TUSC3: variants seen among roughly 807,000 people sequenced by gnomAD.
The protein encoded by TUSC3 is tumor suppressor candidate 3, also known as dolichyl-diphosphooligosaccharide--protein glycosyltransferase subunit TUSC3.
TUSC3 carries 45 observed loss-of-function variants against 44.8 expected under a neutral mutation model. The observed-to-expected ratio is 1.00, with a 90% CI of 0.79 to 1.29. The LOEUF (loss-of-function observed/expected upper bound fraction) is 1.29, where lower values mean the gene tolerates loss of function less well. TUSC3 is among the 50% of genes most tolerant of loss of function. The pLI, the probability that TUSC3 is intolerant of heterozygous loss-of-function variation, is 0.00. For synonymous variants in TUSC3, 212 were observed against 152.9 expected (o/e 1.39, Z -2.85); for missense variants, 519 against 437.9 (o/e 1.19, Z -1.65).
At chr8:15,459,415 T>TA (rs1431753152) in intron 1 of TUSC3, among the ~76,000 whole-genome samples, 1 of 152,138 alleles carries the variant, frequency 6.6e-6, no homozygotes, top group Non-Finnish European at 1.5e-5. Context: ...CTTTAACCAA[T>TA]AAAATAAAGC....
chr8:15,786,748 T>C, the TUSC3 span, among the ~76,000 whole-genome samples: 2 of 151,514 alleles, frequency 1.3e-5, no homozygotes, highest in African/African-American at 4.9e-5. Context: ...TCAAGATCAG[T>C]ATGGCCAAGG....
chr8:15,767,724 C>T (rs1230215427), downstream of TUSC3, among the ~76,000 whole-genome samples: 2 of 152,134 alleles, frequency 1.3e-5, no homozygotes, highest in East Asian at 1.9e-4. Context: ...AGGGTCTTGC[C>T]TTCGGTTGAC....
At chr8:15,701,535 T>A (rs1040906305) in intron 6 of TUSC3, among the ~76,000 whole-genome samples, 4 of 152,184 alleles carry the variant, frequency 2.6e-5, no homozygotes, top group African/African-American at 9.7e-5. Context: ...GTTTGGGGGT[T>A]GTTTGATGGT....
chr8:15,735,950 G>A (rs184128679), intron 7 of TUSC3, among the ~76,000 whole-genome samples: 43 of 150,378 alleles, frequency 2.9e-4, no homozygotes, highest in South Asian at 8.4e-4. Flanking sequence ...GGATGGTCTC[G>A]ATCTCCTGAC....
Position 15,451,268 on chromosome 8 carries a change from C to T in TUSC3, n.92-32118C>T, listed in dbSNP as rs770734189. Among the ~76,000 whole-genome samples, 4 of 152,024 alleles carry T rather than the reference C, an allele frequency of 2.6e-5. No individual in the cohort carries two copies. In the South Asian group the frequency reaches 6.2e-4, roughly 24 times the overall value. ...TTTCCTGGCATACAGCTCCTGAAACCCTGGAATCCCTTTAGTAATAAGTGT... is the reference window on the plus strand; with the variant it reads ...TTTCCTGGCATACAGCTCCTGAAACTCTGGAATCCCTTTAGTAATAAGTGT... On this transcript the variant is annotated intron_variant and non_coding_transcript_variant, in intron 1 of 5. Transcript: ENST00000503191.
intron 5 of TUSC3, among the ~76,000 whole-genome samples, chr8:15,670,446 A>T (rs1319358782): frequency 6.6e-6 from 1 of 151,894 alleles, no homozygotes; most frequent in African/African-American, 2.4e-5. Context: ...TGCAGTGAGT[A>T]AGTATGGCAT....
intron 1 of TUSC3, among the ~76,000 whole-genome samples, chr8:15,480,932 T>TTGC (rs1191899427): frequency 2.0e-5 from 3 of 152,158 alleles, no homozygotes; most frequent in Non-Finnish European, 2.9e-5. Context: ...ATTGGAAACT[T>TTGC]AATCACCTTT....
At chr8:15,561,967 C>T (rs187357143) in intron 1 of TUSC3, among the ~76,000 whole-genome samples, 3 of 152,276 alleles carry the variant, frequency 2.0e-5, no homozygotes, top group Admixed American at 6.5e-5. Flanking sequence ...CCATCTTCTG[C>T]GTTGCTCAGG....
At chr8:15,757,455 T>G (rs920217215) in intron 9 of TUSC3, among the ~76,000 whole-genome samples, 1 of 152,180 alleles carries the variant, frequency 6.6e-6, no homozygotes, top group Non-Finnish European at 1.5e-5. Context: ...TTGCATTGAT[T>G]TGTACATCTT....
chr8:15,565,340 A>G (rs75082045), intron 1 of TUSC3, among the ~76,000 whole-genome samples: 2,804 of 152,194 alleles, frequency 0.018, 30 homozygotes, highest in Middle Eastern at 0.037. Flanking sequence ...TGGCTAATAT[A>G]GGATAATCTC....
intron 6 of TUSC3, among the ~76,000 whole-genome samples, chr8:15,706,136 G>C (rs1809606703): frequency 6.6e-6 from 1 of 151,808 alleles, no homozygotes; most frequent in Non-Finnish European, 1.5e-5. Flanking sequence ...CAGTACTTCT[G>C]ATGTATTATA....
intron 6 of TUSC3, among the ~76,000 whole-genome samples, chr8:15,675,935 C>A (rs1259673384): frequency 6.6e-6 from 1 of 152,000 alleles, no homozygotes; most frequent in Non-Finnish European, 1.5e-5. Context: ...AATTTATTTT[C>A]CTTTGGGTAT....
intron 6 of TUSC3, among the ~76,000 whole-genome samples, chr8:15,679,346 C>G (rs558748552): frequency 6.6e-6 from 1 of 152,066 alleles, no homozygotes; most frequent in African/African-American, 2.4e-5. Context: ...TGGCGTTTCT[C>G]TGATGATTAG....
At chr8:15,626,003 G>A (rs1487871280) in intron 2 of TUSC3, among the ~76,000 whole-genome samples, 2 of 152,220 alleles carry the variant, frequency 1.3e-5, no homozygotes, top group East Asian at 3.9e-4. Context: ...GCCATCCGAA[G>A]AGGCCACTGC....
intron 1 of TUSC3, among the ~76,000 whole-genome samples, chr8:15,455,074 C>G (rs867146313): frequency 2.0e-5 from 3 of 152,048 alleles, no homozygotes; most frequent in African/African-American, 7.2e-5. Flanking sequence ...TGACCTGGGC[C>G]AGGAGCCAGC....
intron 4 of TUSC3, 73 bp from the exon 5 acceptor site, chr8:15,662,080 TATG>T (rs1447079704): frequency 6.5e-7 from 1 of 1,537,692 alleles, no homozygotes; most frequent in Non-Finnish European, 8.9e-7. Flanking sequence ...CGTTGAAAAT[TATG>T]AGGACTAGAA....
the TUSC3 span, chr8:15,806,196 A>T: frequency 1.0e-5 from 5 of 492,864 alleles, no homozygotes; most frequent in Admixed American, 2.9e-5. Flanking sequence ...ATTTTTATAA[A>T]GATTCCGTCT....
intron 1 of TUSC3, among the ~76,000 whole-genome samples, chr8:15,558,434 C>A (rs1383081612): frequency 1.6e-5 from 1 of 60,766 alleles, no homozygotes; most frequent in African/African-American, 4.5e-5. Flanking sequence ...ATTTTTGCAT[C>A]AATGTTCATC....
chr8:15,693,341 G>A (rs2129191343), intron 6 of TUSC3, among the ~76,000 whole-genome samples: 1 of 151,844 alleles, frequency 6.6e-6, no homozygotes, highest in East Asian at 1.9e-4. Context: ...CTCTATTGAG[G>A]TGGTTCTGGT....
Sources: allele counts gnomAD v4.1 joint callset (sites outside exome capture counted in the v4.1 genomes callset), GRCh38; gene constraint gnomAD v4.1.1; transcripts MANE v1.5; gene names NCBI Gene and HGNC (gene_info 2026-07-23, HGNC 2026-07-21).